Variants in CCDC93 observed in about 807,000 individuals in gnomAD.
The protein encoded by CCDC93 is CCC complex scaffolding subunit CCDC93, also known as coiled-coil domain-containing protein 93.
A neutral mutation model predicts 108.2 loss-of-function variants in CCDC93; 61 were observed. The observed-to-expected ratio is 0.56, with a 90% CI of 0.46 to 0.70. The LOEUF is 0.70. CCDC93 is among the 30% of genes least tolerant of loss of function. The pLI, the probability that CCDC93 is intolerant of heterozygous loss-of-function variation, is 0.00. For synonymous variants in CCDC93, 276 were observed against 260.4 expected (o/e 1.06, Z -0.58); for missense variants, 685 against 764.2 (o/e 0.90, Z 1.22).
chr2:117,977,582 C>A (rs1049199013), intron 8 of CCDC93, among the ~76,000 whole-genome samples: 1 of 152,232 alleles, frequency 6.6e-6, no homozygotes, highest in African/African-American at 2.4e-5. Context: ...CCTGGCTCTT[C>A]CATGACTGGC....
chr2:117,980,188 C>A (rs879763006), intron 7 of CCDC93, among the ~76,000 whole-genome samples: 1 of 152,164 alleles, frequency 6.6e-6, no homozygotes, highest in African/African-American at 2.4e-5. Context: ...TAATGTGAAG[C>A]TTGAGAGCTG....
chr2:118,001,256 TA>T (rs756517122), intron 3 of CCDC93: 51 of 189,522 alleles, frequency 2.7e-4, no homozygotes, highest in Non-Finnish European at 3.8e-4. Context: ...TGTAGTAAGA[TA>T]AAAAGTTATT....
chr2:118,013,877 C>T (rs954205456), intron 1 of CCDC93, 77 bp downstream of exon 1: 5 of 1,354,004 alleles, frequency 3.7e-6, no homozygotes, highest in African/African-American at 3.0e-5. Flanking sequence ...ACCCAGGGCC[C>T]GCTCAGCCCG....
intron 11 of CCDC93, among the ~76,000 whole-genome samples, chr2:117,960,542 C>A (rs191943258): frequency 6.6e-6 from 1 of 152,326 alleles, no homozygotes; most frequent in East Asian, 1.9e-4. Flanking sequence ...CATTCCCCCA[C>A]CCAGCTTCCA....
intron 7 of CCDC93, among the ~76,000 whole-genome samples, chr2:117,984,664 T>C (rs1015905255): frequency 2.0e-5 from 3 of 152,154 alleles, no homozygotes; most frequent in African/African-American, 7.2e-5. Flanking sequence ...AATGGATGCA[T>C]AAATAATACA....
intron 2 of CCDC93, among the ~76,000 whole-genome samples, chr2:118,007,034 C>T (rs1053570399): frequency 3.6e-5 from 5 of 140,548 alleles, no homozygotes; most frequent in African/African-American, 1.2e-4. Flanking sequence ...AGAAATATTC[C>T]GTTATCTGCA....
intron 17 of CCDC93, chr2:117,944,929 C>A: frequency 2.5e-6 from 1 of 406,842 alleles, no homozygotes; most frequent in Non-Finnish European, 5.0e-6. Flanking sequence ...ATGCGGAGAG[C>A]ACTGGTTTAA....
Position 117,948,291 on chromosome 2 carries a change from C to A in CCDC93, c.1143-105G>T, listed in dbSNP as rs543983540. The stretch of plus-strand genomic sequence containing the variant: ...TAAAAAAGGACTCTCCTTTTAATTT[C>A]CTTTCTCAGCTCTAAGAGTGTCTCA... On this transcript the variant is annotated intron_variant, in intron 14 of 23. Transcript: ENST00000376300. 1.8e-3 allele frequency: 1,347 copies of A among 734,350 alleles called. 4 individuals carry two copies. The highest frequency in any genetic ancestry group is 2.6e-3 in the Non-Finnish European group (1,093 of 427,888). The allele number at this position is 734,350 out of a possible 1,614,324, so 45.5% of individuals were successfully genotyped here. A position where few individuals can be genotyped will look rare whatever the true frequency, so the allele number is the denominator to read the frequency against.
At chr2:117,957,750 A>G (rs1206597430) in intron 12 of CCDC93, among the ~76,000 whole-genome samples, 4 of 152,150 alleles carry the variant, frequency 2.6e-5, no homozygotes, top group Non-Finnish European at 5.9e-5. Flanking sequence ...TTGTTCTGTA[A>G]GTCCATATAG....
chr2:117,979,740 T>C (rs752982552), intron 7 of CCDC93, among the ~76,000 whole-genome samples: 14 of 152,222 alleles, frequency 9.2e-5, no homozygotes, highest in East Asian at 3.8e-4. Context: ...GGTTAAATTT[T>C]GGCTATCCAC....
intron 13 of CCDC93, 199 bp from the exon 14 acceptor site, chr2:117,949,594 C>G (rs1678985234): frequency 1.1e-5 from 3 of 264,646 alleles, no homozygotes; most frequent in Non-Finnish European, 1.8e-5. Context: ...AGCTCTTTTA[C>G]AATGATCTCT....
chr2:117,949,019 C>T (rs1440545791), intron 14 of CCDC93, among the ~76,000 whole-genome samples: 1 of 152,166 alleles, frequency 6.6e-6, no homozygotes, highest in Non-Finnish European at 1.5e-5. Context: ...GAAGATTTTT[C>T]ACCATATGCC....
intron 23 of CCDC93, among the ~76,000 whole-genome samples, chr2:117,924,714 T>C (rs879853270): frequency 2.0e-5 from 3 of 152,188 alleles, no homozygotes; most frequent in East Asian, 1.9e-4. Context: ...TGCAGGATAA[T>C]ATCCAGGAGA....
intron 5 of CCDC93, among the ~76,000 whole-genome samples, 159 bp downstream of exon 5, chr2:117,996,105 A>G (rs572115853): frequency 3.5e-4 from 54 of 152,344 alleles, no homozygotes; most frequent in African/African-American, 1.1e-3. Context: ...ACAAAATTAT[A>G]GAGCTTTGCA....
chr2:118,006,587 A>C (rs1676876451), intron 3 of CCDC93, 135 bp downstream of exon 3: 1 of 660,482 alleles, frequency 1.5e-6, no homozygotes, highest in Non-Finnish European at 2.7e-6. Context: ...TTCATTTGTA[A>C]GGCAGGGATA....
At chr2:117,979,361 A>AC (rs774642705) in intron 7 of CCDC93, among the ~76,000 whole-genome samples, 89 of 150,568 alleles carry the variant, frequency 5.9e-4, no homozygotes, top group Non-Finnish European at 1.1e-3. Context: ...TTCCCTACTC[A>AC]CCCTCCACTC....
intron 12 of CCDC93, among the ~76,000 whole-genome samples, chr2:117,956,143 A>G (rs1679208465): frequency 6.6e-6 from 1 of 152,206 alleles, no homozygotes; most frequent in African/African-American, 2.4e-5. Flanking sequence ...GCCTAGCTAC[A>G]TGGTCAGGGA....
At position 117,952,067 on chromosome 2, in the gene CCDC93, C is replaced by G. The variant is rs146831994; in HGVS notation, c.1068+306G>C. ...TATTTACTGAGTGACACTGTGAGTT[C>G]TTCTCTGTGCCCCACCCAGCCTATC... On this transcript the variant is annotated intron_variant, in intron 13 of 23. Coordinates refer to ENST00000376300, the MANE Select transcript of CCDC93 (RefSeq NM_019044.5). Among the ~76,000 whole-genome samples the G allele has an allele frequency of 3.6e-3, 547 of 152,172 alleles. 6 individuals are homozygous for G. The highest frequency in any genetic ancestry group is 0.013 in the African/African-American group (528 of 41,516).
chr2:117,967,636 G>C (rs1679630834), intron 11 of CCDC93, among the ~76,000 whole-genome samples: 1 of 152,298 alleles, frequency 6.6e-6, no homozygotes, highest in African/African-American at 2.4e-5. Flanking sequence ...CAAGGAGAAA[G>C]ATTGCAAAGT....
Sources: allele counts gnomAD v4.1 joint callset (sites outside exome capture counted in the v4.1 genomes callset), GRCh38; gene constraint gnomAD v4.1.1; transcripts MANE v1.5; gene names NCBI Gene and HGNC (gene_info 2026-07-23, HGNC 2026-07-21).